The following ATP2B1 variants were observed in gnomAD, a reference collection of about 807,000 sequenced individuals.
The protein encoded by ATP2B1 is plasma membrane calcium-transporting ATPase 1.
Under a neutral mutation model 124.2 loss-of-function variants are expected in ATP2B1, and 14 were observed. That is an observed-to-expected ratio of 0.11 (90% CI 0.07 to 0.18). The LOEUF (loss-of-function observed/expected upper bound fraction) is 0.18. Ranked by LOEUF, ATP2B1 falls within the 10% of genes least tolerant of loss-of-function variation. The pLI, the probability that ATP2B1 is intolerant of heterozygous loss-of-function variation, is 1.00. For synonymous variants in ATP2B1, 449 were observed against 492.4 expected (o/e 0.91, Z 1.17); for missense variants, 763 against 1,466.1 (o/e 0.52, Z 7.83).
At chr12:89,675,414 TGAC>T (rs1287053710) in intron 1 of ATP2B1, among the ~76,000 whole-genome samples, 1 of 152,228 alleles carries the variant, frequency 6.6e-6, no homozygotes, top group Non-Finnish European at 1.5e-5. Context: ...TTCTGATGGA[TGAC>T]GACCTGTATT....
chr12:89,635,226 C>T lies in ATP2B1; in HGVS notation c.432G>A (p.Glu144=), dbSNP rs759557939. ...NALCGEVSVG[E]EEGEGETGWI... ...AACCAGTTTCACCTTCACCTTCTTC[C>T]TCCCCAACAGAAACTTCTCCACAAA... Residue 144 remains glutamate (E), a synonymous_variant, in exon 4 of 21, where the codon GAG becomes GAA. Transcript: ENST00000428670. 6.2e-7 allele frequency: 1 copy of T among 1,612,854 alleles called. No individual in the cohort carries two copies. The highest frequency in any genetic ancestry group is 2.2e-5 in the East Asian group (1 of 44,880).
At position 89,631,543 on chromosome 12, in the gene ATP2B1, C is replaced by T. The variant is rs146121631; in HGVS notation, c.788-898G>A. ...AGTTCATCCTGAAATCCATTTTAAT[C>T]TTCCTAAAATTGTGATTTCATCATA... On this transcript the variant is annotated intron_variant, in intron 5 of 20. Transcript: ENST00000428670. 3.0e-4 allele frequency among the ~76,000 whole-genome samples: 45 copies of T among 152,258 alleles called. 1 individual carries two copies. The highest frequency in any genetic ancestry group is 1.0e-3 in the African/African-American group (42 of 41,542).
At chr12:89,690,177 T>C (rs991264262) in intron 1 of ATP2B1, among the ~76,000 whole-genome samples, 5 of 152,108 alleles carry the variant, frequency 3.3e-5, no homozygotes, top group Non-Finnish European at 5.9e-5. Flanking sequence ...AGAACATATA[T>C]AGCCTAATAA....
intron 2 of ATP2B1, among the ~76,000 whole-genome samples, chr12:89,654,413 C>T (rs1293618712): frequency 6.6e-6 from 1 of 152,108 alleles, no homozygotes; most frequent in African/African-American, 2.4e-5. Context: ...TAAGGTATAA[C>T]TAAGAAGCTG....
chr12:89,636,335 T>C (rs932015102), intron 3 of ATP2B1, among the ~76,000 whole-genome samples: 4 of 152,086 alleles, frequency 2.6e-5, no homozygotes, highest in Admixed American at 2.0e-4. Context: ...CCAAAATCAA[T>C]TCAGTGGCTC....
At chr12:89,660,612 T>C (rs1265198036) in intron 1 of ATP2B1, among the ~76,000 whole-genome samples, 1 of 152,148 alleles carries the variant, frequency 6.6e-6, no homozygotes, top group Non-Finnish European at 1.5e-5. Context: ...GCCTTGGACA[T>C]ACACACCTAT....
chr12:89,686,523 C>A (rs543778731), intron 1 of ATP2B1, among the ~76,000 whole-genome samples: 1 of 152,208 alleles, frequency 6.6e-6, no homozygotes, highest in Non-Finnish European at 1.5e-5. Flanking sequence ...GCAACATTAT[C>A]ATTAAACCTT....
intron 3 of ATP2B1, among the ~76,000 whole-genome samples, chr12:89,637,758 T>C (rs1882923833): frequency 6.6e-6 from 1 of 152,134 alleles, no homozygotes; most frequent in Non-Finnish European, 1.5e-5. Flanking sequence ...AATTATATAG[T>C]TATAAATATA....
intron 3 of ATP2B1, among the ~76,000 whole-genome samples, chr12:89,635,674 G>A (rs1168458435): frequency 6.6e-6 from 1 of 152,148 alleles, no homozygotes; most frequent in African/African-American, 2.4e-5. Flanking sequence ...TCAACCAAGA[G>A]CTAACCATAT....
intron 15 of ATP2B1, among the ~76,000 whole-genome samples, chr12:89,606,429 C>G (rs1021020992): frequency 2.6e-5 from 4 of 152,134 alleles, no homozygotes; most frequent in Admixed American, 2.0e-4. Flanking sequence ...AACTACTTGA[C>G]CTTTTAAATG....
At chr12:89,691,576 T>C (rs1319996960) in intron 1 of ATP2B1, among the ~76,000 whole-genome samples, 1 of 152,134 alleles carries the variant, frequency 6.6e-6, no homozygotes, top group Non-Finnish European at 1.5e-5. Flanking sequence ...AAGTCAAACA[T>C]AATTAACCAG....
intron 1 of ATP2B1, among the ~76,000 whole-genome samples, chr12:89,682,824 TA>T (rs1164950990): frequency 2.0e-5 from 3 of 152,148 alleles, no homozygotes; most frequent in African/African-American, 7.2e-5. Flanking sequence ...AGGTATTACA[TA>T]AGCGTGATAA....
intron 1 of ATP2B1, among the ~76,000 whole-genome samples, chr12:89,661,609 G>A (rs1886700352): frequency 6.6e-6 from 1 of 152,114 alleles, no homozygotes; most frequent in South Asian, 2.1e-4. Context: ...GAAATAACTG[G>A]CACTGTACTT....
At chr12:89,629,663 G>C (rs886886433) in intron 6 of ATP2B1, among the ~76,000 whole-genome samples, 2 of 152,188 alleles carry the variant, frequency 1.3e-5, no homozygotes, top group African/African-American at 4.8e-5. Flanking sequence ...AGTTATTTTA[G>C]AATGTTTCAA....
intron 7 of ATP2B1, 151 bp from the exon 8 acceptor site, chr12:89,626,766 G>C (rs779196311): frequency 3.5e-4 from 299 of 849,128 alleles, no homozygotes; most frequent in Non-Finnish European, 3.5e-4. Flanking sequence ...TCTACACAGA[G>C]AAAATAAGAC....
intron 1 of ATP2B1, among the ~76,000 whole-genome samples, chr12:89,668,634 A>T (rs1887577179): frequency 6.6e-6 from 1 of 152,186 alleles, no homozygotes; most frequent in Admixed American, 6.5e-5. Flanking sequence ...ATAAGGAGGG[A>T]TTACTTTCAA....
chr12:89,627,561 C>A, intron 7 of ATP2B1, 117 bp downstream of exon 7: 2 of 1,111,962 alleles, frequency 1.8e-6, no homozygotes, highest in South Asian at 1.4e-5. Flanking sequence ...CCCAAGCTAA[C>A]GTATATTGTT....
At chr12:89,689,718 A>T (rs2136713684) in intron 1 of ATP2B1, among the ~76,000 whole-genome samples, 1 of 152,246 alleles carries the variant, frequency 6.6e-6, no homozygotes, top group African/African-American at 2.4e-5. Context: ...TATTTTAAAC[A>T]TACATATTAG....
At chr12:89,591,790 T>C (rs1306590023) in intron 20 of ATP2B1, among the ~76,000 whole-genome samples, 1 of 151,924 alleles carries the variant, frequency 6.6e-6, no homozygotes, top group Non-Finnish European at 1.5e-5. Flanking sequence ...AATGCCACAA[T>C]GAACTCACAT....
Sources: gnomAD v4.1 joint callset for allele counts (sites outside exome capture counted in the v4.1 genomes callset) on GRCh38, gnomAD v4.1.1 for gene constraint, MANE v1.5 for transcripts, NCBI Gene and HGNC (gene_info 2026-07-23, HGNC 2026-07-21) for gene names.